GPHN: variants seen among roughly 807,000 people sequenced by gnomAD.
The protein encoded by GPHN is gephyrin.
Under a neutral mutation model 95.5 loss-of-function variants are expected in GPHN, and 17 were observed. The ratio of observed to expected loss-of-function variants is 0.18; its 90% CI spans 0.12 to 0.27. GPHN has a LOEUF of 0.27. Among genes scored for constraint, GPHN ranks in the 10% least tolerant of loss-of-function variants. The pLI, the probability that GPHN is intolerant of heterozygous loss-of-function variation, is 1.00. For synonymous variants in GPHN, 320 were observed against 322.5 expected (o/e 0.99, Z 0.08); for missense variants, 660 against 978.1 (o/e 0.67, Z 4.34).
intron 2 of GPHN, among the ~76,000 whole-genome samples, chr14:66,740,624 C>T (rs1223616824): frequency 1.3e-5 from 2 of 150,658 alleles, no homozygotes; most frequent in East Asian, 3.9e-4. Context: ...CTTTTCTGTG[C>T]TATATCTGTG....
chr14:67,391,271 ATGTGTG>A, the GPHN span, among the ~76,000 whole-genome samples: 641 of 143,912 alleles, frequency 4.5e-3, 6 homozygotes, highest in African/African-American at 0.015. Flanking sequence ...AGCAGCTGAT[ATGTGTG>A]TGTGTGTGTG....
At chr14:67,275,857 A>T in the GPHN span, among the ~76,000 whole-genome samples, 1 of 152,216 alleles carries the variant, frequency 6.6e-6, no homozygotes, top group East Asian at 1.9e-4. Context: ...GGGAGGGTAT[A>T]TGTGTCCAGG....
chr14:66,693,111 T>C (rs1434954371), intron 2 of GPHN, among the ~76,000 whole-genome samples: 2 of 151,940 alleles, frequency 1.3e-5, no homozygotes, highest in African/African-American at 2.4e-5. Context: ...ACTCCCAAAA[T>C]AGTCAAAATA....
intron 1 of GPHN, among the ~76,000 whole-genome samples, chr14:66,597,418 G>A (rs2140779151): frequency 6.6e-6 from 1 of 152,312 alleles, no homozygotes; most frequent in Non-Finnish European, 1.5e-5. Context: ...ACAAAGTCCG[G>A]AGGGGGCTGA....
At chr14:66,884,096 AAGAG>A (rs950142450) in intron 5 of GPHN, among the ~76,000 whole-genome samples, 7 of 152,108 alleles carry the variant, frequency 4.6e-5, no homozygotes, top group Non-Finnish European at 8.8e-5. Context: ...GAAAAGAAAA[AAGAG>A]AGAAAGAGAT....
chr14:67,389,977 G>A, the GPHN span, among the ~76,000 whole-genome samples: 3 of 152,110 alleles, frequency 2.0e-5, no homozygotes, highest in South Asian at 6.2e-4. Flanking sequence ...CCAGGCAGGG[G>A]TTCCTGACTG....
intron 1 of GPHN, among the ~76,000 whole-genome samples, chr14:66,555,768 A>G (rs1384275011): frequency 6.6e-6 from 1 of 152,048 alleles, no homozygotes; most frequent in Non-Finnish European, 1.5e-5. Context: ...TTTTTATGTG[A>G]TGGGTAACTA....
At chr14:66,973,164 A>C (rs2069937071) in intron 9 of GPHN, among the ~76,000 whole-genome samples, 1 of 152,112 alleles carries the variant, frequency 6.6e-6, no homozygotes, top group Non-Finnish European at 1.5e-5. Flanking sequence ...TTTCCATAGA[A>C]GCAGTATTAT....
intron 9 of GPHN, among the ~76,000 whole-genome samples, chr14:67,010,156 C>G (rs2072891109): frequency 1.3e-5 from 2 of 152,052 alleles, no homozygotes; most frequent in South Asian, 2.1e-4. Flanking sequence ...TCAGCTCCTC[C>G]CATGTTAACT....
At chr14:66,991,992 T>C (rs1383877916) in intron 9 of GPHN, among the ~76,000 whole-genome samples, 1 of 151,782 alleles carries the variant, frequency 6.6e-6, no homozygotes, top group Non-Finnish European at 1.5e-5. Flanking sequence ...TGACGAGCAG[T>C]GGGGCCAAAG....
At chr14:66,704,093 A>G (rs2068833364) in intron 2 of GPHN, among the ~76,000 whole-genome samples, 1 of 152,208 alleles carries the variant, frequency 6.6e-6, no homozygotes, top group Admixed American at 6.5e-5. Flanking sequence ...ATAATGGTAA[A>G]GGGACCAATT....
the GPHN span, among the ~76,000 whole-genome samples, chr14:67,188,022 A>G: frequency 6.6e-6 from 1 of 152,184 alleles, no homozygotes; most frequent in Admixed American, 6.5e-5. Flanking sequence ...GTAAGTACTC[A>G]TTACTGAGCT....
chr14:66,577,444 A>G (rs1595053370), intron 1 of GPHN, among the ~76,000 whole-genome samples: 1 of 152,132 alleles, frequency 6.6e-6, no homozygotes, highest in African/African-American at 2.4e-5. Context: ...TTATTTACAT[A>G]TATTATGTAA....
intron 21 of GPHN, among the ~76,000 whole-genome samples, chr14:67,174,546 T>A (rs2082808711): frequency 6.6e-6 from 1 of 152,204 alleles, no homozygotes; most frequent in Non-Finnish European, 1.5e-5. Context: ...AACATACATG[T>A]GCATGTGTCT....
chr14:66,651,212 G>C lies in GPHN; in HGVS notation c.65-29895G>C, dbSNP rs181193576. Among the ~76,000 whole-genome samples the C allele has an allele frequency of 8.5e-5, 13 of 152,280 alleles. No homozygotes were observed. The East Asian group carries it at 9.7e-4, about 11-fold the overall frequency. The stretch of plus-strand genomic sequence containing the variant: ...ACTGGCAGCACATTTCAGTGACACA[G>C]AAAGGGTCCCAAAACTTGCTTACTT... On this transcript the variant is annotated intron_variant, in intron 1 of 22. Coordinates refer to ENST00000478722, the MANE Select transcript of GPHN (RefSeq NM_020806.5).
the GPHN span, chr14:67,199,295 C>G: frequency 6.2e-6 from 10 of 1,603,900 alleles, no homozygotes; most frequent in Non-Finnish European, 8.5e-6. Flanking sequence ...CATGATCAGA[C>G]TCTATGGGAA....
chr14:67,439,533 G>GTTTCTTC, the GPHN span, among the ~76,000 whole-genome samples: 10 of 96,144 alleles, frequency 1.0e-4, no homozygotes, highest in South Asian at 3.5e-3. Flanking sequence ...AAATTCAATA[G>GTTTCTTC]TTTCTTTCTT....
the GPHN span, among the ~76,000 whole-genome samples, chr14:67,193,355 GAT>G: frequency 1.6e-5 from 2 of 127,836 alleles, no homozygotes; most frequent in African/African-American, 2.8e-5. Flanking sequence ...TCTATATAGA[GAT>G]ATATAATCTA....
chr14:66,565,292 C>CTG (rs3031748), intron 1 of GPHN, among the ~76,000 whole-genome samples: 1,504 of 150,042 alleles, frequency 0.01, 12 homozygotes, highest in Middle Eastern at 0.017. Context: ...TGTCCCCTAT[C>CTG]TGTGTGTGTG....
Sources: allele counts gnomAD v4.1 joint callset (sites outside exome capture counted in the v4.1 genomes callset), GRCh38; gene constraint gnomAD v4.1.1; transcripts MANE v1.5; gene names NCBI Gene and HGNC (gene_info 2026-07-23, HGNC 2026-07-21).